Variants in OPRM1 observed in about 807,000 individuals in gnomAD.
The protein encoded by OPRM1 is opioid receptor mu 1.
In OPRM1, 27 loss-of-function variants were observed where a neutral mutation model predicts 31.8. The ratio of observed to expected loss-of-function variants is 0.85; its 90% CI spans 0.63 to 1.17. OPRM1 has a LOEUF of 1.17. Ranked by LOEUF, OPRM1 falls within the 50% of genes most tolerant of loss-of-function variation. OPRM1 has a pLI of 0.00. For missense variants in OPRM1, 536 were observed against 511.1 expected, an observed-to-expected ratio of 1.05 and a Z score of -0.47; for synonymous variants, 196 against 189.9, an observed-to-expected ratio of 1.03 and a Z score of -0.26.
intron 3 of OPRM1, among the ~76,000 whole-genome samples, chr6:154,234,132 C>G (rs1371691919): frequency 2.0e-5 from 3 of 152,112 alleles, no homozygotes; most frequent in Admixed American, 1.3e-4. Flanking sequence ...TGCTTGAGCC[C>G]AGGAGTTTGA....
intron 1 of OPRM1, among the ~76,000 whole-genome samples, chr6:154,012,543 G>A (rs927859548): frequency 1.3e-5 from 2 of 152,064 alleles, no homozygotes; most frequent in Non-Finnish European, 2.9e-5. Flanking sequence ...CCAGCCTGGA[G>A]TCTTAAACTC....
rs766723828 is a variant in OPRM1, at chr6:154,152,255, AAAAG to A, written c.1164+60795_1164+60798del. ...GAAAGAGAAAAGAAAAAGAAGAAAG[AAAAG>A]AAAGAAAGAAAAAGAAAAGGAAAGA... On this transcript the variant is annotated intron_variant, in intron 3 of 3. Transcript: ENST00000337049. 4.4e-3 allele frequency among the ~76,000 whole-genome samples: 586 copies of A among 134,050 alleles called. 7 individuals are homozygous for A. The highest frequency in any genetic ancestry group is 0.015 in the African/African-American group (413 of 27,014). The allele number at this position is 134,050 out of a possible 152,430, so 87.9% of individuals were successfully genotyped here. A position where few individuals can be genotyped will look rare whatever the true frequency, so the allele number is the denominator to read the frequency against.
rs549852112 is a variant in OPRM1, at chr6:154,221,149, C to G, written c.1165-25544C>G. On this transcript the variant is annotated intron_variant, in intron 3 of 3. Transcript: ENST00000337049. ...CTAAATAAATTAATCCTTAAAGTAA[C>G]AGAAATAAAATAATAATTGATATGG... 3.3e-3 allele frequency: 2,588 copies of G among 775,922 alleles called. 16 individuals carry two copies. Among genetic ancestry groups the G allele is most frequent in the Non-Finnish European group, 3.3e-3 (1,623 of 484,914 alleles). The allele number at this position is 775,922 out of a possible 1,614,324, so 48.1% of individuals were successfully genotyped here. A position where few individuals can be genotyped will look rare whatever the true frequency, so the allele number is the denominator to read the frequency against.
upstream of OPRM1, among the ~76,000 whole-genome samples, chr6:154,035,151 A>G (rs1779229304): frequency 6.6e-6 from 1 of 152,184 alleles, no homozygotes; most frequent in Non-Finnish European, 1.5e-5. Context: ...CAGGAAGTAT[A>G]AGTAATTTAG....
chr6:154,197,629 G>A (rs916747986), intron 3 of OPRM1, among the ~76,000 whole-genome samples: 3 of 152,212 alleles, frequency 2.0e-5, no homozygotes, highest in African/African-American at 7.2e-5. Context: ...TAAAAGGGCT[G>A]GTGGTACCCA....
chr6:154,211,590 A>G (rs1777969342), intron 3 of OPRM1, among the ~76,000 whole-genome samples: 1 of 152,232 alleles, frequency 6.6e-6, no homozygotes, highest in South Asian at 2.1e-4. Context: ...AATAGGAAAC[A>G]ATTTTTGAAA....
At chr6:154,133,531 T>C (rs905733667), downstream of OPRM1, among the ~76,000 whole-genome samples, 1 of 152,244 alleles carries the variant, frequency 6.6e-6, no homozygotes, top group African/African-American at 2.4e-5. Flanking sequence ...TTGTCTGGAG[T>C]ATTTATCTAG....
chr6:154,041,749 T>C lies in OPRM1; in HGVS notation c.290+1915T>C, dbSNP rs114901118. 2.5e-3 allele frequency among the ~76,000 whole-genome samples: 378 copies of C among 152,034 alleles called. 2 individuals are homozygous for C. The highest frequency in any genetic ancestry group is 8.6e-3 in the African/African-American group (357 of 41,296). ...AATAACAAATTATCCCCAAATTCTA[T>C]GTGAAATCCTGAAGGAAAAAAGCAT... On this transcript the variant is annotated intron_variant, in intron 1 of 3. Transcript: ENST00000330432.
intron 3 of OPRM1, among the ~76,000 whole-genome samples, chr6:154,202,115 C>G (rs1199040030): frequency 6.6e-6 from 1 of 152,098 alleles, no homozygotes; most frequent in Non-Finnish European, 1.5e-5. Flanking sequence ...TAATGTGTAC[C>G]CAATCAGTTC....
At chr6:154,152,390 A>AAGAAAGAAAGGGAGAG (rs1360734115) in intron 3 of OPRM1, among the ~76,000 whole-genome samples, 2 of 126,198 alleles carry the variant, frequency 1.6e-5, no homozygotes, top group Non-Finnish European at 3.4e-5. Flanking sequence ...GAAAGAAAGA[A>AAGAAAGAAAGGGAGAG]AGAGAAATAG....
At position 154,173,004 on chromosome 6, in the gene OPRM1, G is replaced by T. The variant is rs148770767; in HGVS notation, c.1165-73689G>T. Among the ~76,000 whole-genome samples the T allele has an allele frequency of 6.3e-3, 966 of 152,316 alleles. 13 individuals carry two copies. Among genetic ancestry groups the T allele is most frequent in the African/African-American group, 0.022 (935 of 41,568 alleles). ...CAATACTTGCTGTTCTGCAGCCTCC[G>T]CTGGTGATACCCAGGCAAACAGGGT... is the stretch of plus-strand genomic sequence containing the variant. On this transcript the variant is annotated intron_variant, in intron 3 of 3. Transcript: ENST00000337049.
At chr6:154,020,445 A>C (rs972497617) in intron 1 of OPRM1, among the ~76,000 whole-genome samples, 3 of 152,200 alleles carry the variant, frequency 2.0e-5, no homozygotes, top group African/African-American at 7.2e-5. Context: ...TAAAGTCCCC[A>C]AAATCCCAAT....
At chr6:154,110,520 T>TTAAG in intron 3 of OPRM1, 1 of 728,880 alleles carries the variant, frequency 1.4e-6, no homozygotes, top group South Asian at 1.6e-5. Flanking sequence ...ATCCCATGGC[T>TTAAG]TAAGGGTTGC....
intron 1 of OPRM1, among the ~76,000 whole-genome samples, chr6:154,086,045 C>T (rs980382721): frequency 9.9e-5 from 15 of 152,038 alleles, no homozygotes; most frequent in African/African-American, 3.6e-4. Flanking sequence ...ACAGGGTTGA[C>T]CAGGCTGGTC....
At chr6:154,019,491 C>G (rs1280577173) in intron 1 of OPRM1, among the ~76,000 whole-genome samples, 1 of 151,990 alleles carries the variant, frequency 6.6e-6, no homozygotes, top group Non-Finnish European at 1.5e-5. Flanking sequence ...CATGCATTCA[C>G]CATTATAGTA....
chr6:154,105,170 A>G (rs934227799), intron 3 of OPRM1, among the ~76,000 whole-genome samples: 22 of 152,228 alleles, frequency 1.4e-4, no homozygotes, highest in African/African-American at 4.3e-4. Flanking sequence ...ATACTACCAT[A>G]AGTTAAGAAT....
intron 3 of OPRM1, among the ~76,000 whole-genome samples, chr6:154,184,493 T>C (rs1000514048): frequency 6.6e-5 from 10 of 152,142 alleles, no homozygotes; most frequent in African/African-American, 2.4e-4. Context: ...TATTTACATT[T>C]TTTTTAAAAG....
At position 154,029,803 on chromosome 6, in the gene OPRM1, T is replaced by C. The variant is rs150076894; in HGVS notation, c.1-9358T>C. 5.7e-3 allele frequency among the ~76,000 whole-genome samples: 867 copies of C among 152,272 alleles called. 6 individuals are homozygous for C. Among genetic ancestry groups the C allele is most frequent in the African/African-American group, 0.02 (825 of 41,560 alleles). Reference sequence around the variant, plus strand: ...GTGAATGAGTTATCATGAGATCTGATGGTTTTATAGGAGGGTTTTTCCCCC... The same window carrying C: ...GTGAATGAGTTATCATGAGATCTGACGGTTTTATAGGAGGGTTTTTCCCCC... On this transcript the variant is annotated intron_variant, in intron 1 of 5. Transcript: ENST00000434900.
At chr6:154,179,429 G>GA (rs149074278) in intron 3 of OPRM1, among the ~76,000 whole-genome samples, 7,459 of 152,144 alleles carry the variant, frequency 0.049, 297 homozygotes, top group South Asian at 0.19. Flanking sequence ...AAAGAGCGAG[G>GA]AAAAAAGATT....
Sources: allele counts gnomAD v4.1 joint callset (sites outside exome capture counted in the v4.1 genomes callset), GRCh38; gene constraint gnomAD v4.1.1; transcripts MANE v1.5; gene names NCBI Gene and HGNC (gene_info 2026-07-23, HGNC 2026-07-21).